SH3GL3: variants seen among roughly 807,000 people sequenced by gnomAD.
SH3GL3 encodes the protein SH3 domain containing GRB2 like 3, endophilin A3, also known as endophilin-A3.
A neutral mutation model predicts 47.7 loss-of-function variants in SH3GL3; 33 were observed. The ratio of observed to expected loss-of-function variants is 0.69; its 90% CI spans 0.52 to 0.92. SH3GL3 has a LOEUF of 0.92. Ranked by LOEUF, SH3GL3 falls within the 40% of genes least tolerant of loss-of-function variation. The probability of loss-of-function intolerance (pLI) is 0.00; values close to 1 mark genes in which losing one functional copy is unlikely to be tolerated. For synonymous variants in SH3GL3, 155 were observed against 148.8 expected, an observed-to-expected ratio of 1.04 and a Z score of -0.30; for missense variants, 363 against 417.8, an observed-to-expected ratio of 0.87 and a Z score of 1.14.
At chr15:83,511,762 G>T (rs2042763879) in intron 1 of SH3GL3, among the ~76,000 whole-genome samples, 1 of 151,996 alleles carries the variant, frequency 6.6e-6, no homozygotes, top group Non-Finnish European at 1.5e-5. Context: ...GCACCTGCTG[G>T]TTCCCTCACC....
chr15:83,509,292 C>T lies in SH3GL3; in HGVS notation c.46-49961C>T, dbSNP rs186024036. On this transcript the variant is annotated intron_variant, in intron 1 of 8. Transcript: ENST00000427482. The stretch of plus-strand genomic sequence containing the variant: ...CGGAGTGAGGGCAGAATCTGGGGAG[C>T]GCGTTCTTGGATGTCCCACCAACTT... 5.9e-4 allele frequency among the ~76,000 whole-genome samples: 90 copies of T among 152,300 alleles called. No homozygotes were observed. In the East Asian group the frequency reaches 0.017, roughly 28 times the overall value.
intron 1 of SH3GL3, among the ~76,000 whole-genome samples, chr15:83,555,188 A>G (rs935819866): frequency 6.6e-6 from 1 of 152,112 alleles, no homozygotes; most frequent in African/African-American, 2.4e-5. Context: ...ATGACTATAT[A>G]ATACTTTTTG....
At chr15:83,622,658 G>A (rs892239370), downstream of SH3GL3, among the ~76,000 whole-genome samples, 3 of 152,372 alleles carry the variant, frequency 2.0e-5, no homozygotes, top group South Asian at 6.2e-4. Context: ...TGTATGTACA[G>A]TGTTTCTTCC....
intron 1 of SH3GL3, among the ~76,000 whole-genome samples, chr15:83,457,004 A>G (rs2040022611): frequency 6.6e-6 from 1 of 152,248 alleles, no homozygotes; most frequent in African/African-American, 2.4e-5. Context: ...TACCTCACCA[A>G]TAAAAATATA....
At chr15:83,541,843 C>A (rs1286883779) in intron 1 of SH3GL3, among the ~76,000 whole-genome samples, 1 of 151,914 alleles carries the variant, frequency 6.6e-6, no homozygotes, top group Non-Finnish European at 1.5e-5. Context: ...GTTATTTGAC[C>A]TCCTTTTATT....
chr15:83,554,339 C>T (rs2044831598), intron 1 of SH3GL3, among the ~76,000 whole-genome samples: 1 of 152,122 alleles, frequency 6.6e-6, no homozygotes, highest in South Asian at 2.1e-4. Context: ...AGGCATGCGC[C>T]ACCACACCCA....
At chr15:83,523,722 T>C (rs901218717) in intron 1 of SH3GL3, among the ~76,000 whole-genome samples, 43 of 152,306 alleles carry the variant, frequency 2.8e-4, no homozygotes, top group African/African-American at 1.0e-3. Context: ...TTTCTGTCTC[T>C]GTCTTCCTTT....
At chr15:83,478,032 A>G (rs1304937335) in intron 1 of SH3GL3, among the ~76,000 whole-genome samples, 1 of 151,992 alleles carries the variant, frequency 6.6e-6, no homozygotes, top group Non-Finnish European at 1.5e-5. Context: ...CAGCAGTGAG[A>G]GTATGTGGAT....
chr15:83,540,722 G>A (rs11634330), intron 1 of SH3GL3, among the ~76,000 whole-genome samples: 21,752 of 152,106 alleles, frequency 0.14, 2,010 homozygotes, highest in Non-Finnish European at 0.2. Flanking sequence ...TTATTACAAT[G>A]TGTAATGATT....
intron 1 of SH3GL3, among the ~76,000 whole-genome samples, chr15:83,463,504 G>C (rs377375680): frequency 2.6e-5 from 4 of 151,902 alleles, no homozygotes; most frequent in African/African-American, 9.7e-5. Flanking sequence ...TTATAGTCTG[G>C]GCAGATTATA....
At chr15:83,529,526 C>T (rs1040469535) in intron 1 of SH3GL3, among the ~76,000 whole-genome samples, 3 of 152,148 alleles carry the variant, frequency 2.0e-5, no homozygotes, top group Non-Finnish European at 2.9e-5. Context: ...TAGAGTGATC[C>T]GCAGGCCCCT....
At chr15:83,601,049 A>G (rs144388946) in intron 8 of SH3GL3, among the ~76,000 whole-genome samples, 6 of 152,334 alleles carry the variant, frequency 3.9e-5, no homozygotes, top group Non-Finnish European at 4.4e-5. Flanking sequence ...GTATCCTGAA[A>G]CTTTGCTGAA....
chr15:83,511,564 G>A (rs936934975), intron 1 of SH3GL3, among the ~76,000 whole-genome samples: 5 of 152,094 alleles, frequency 3.3e-5, no homozygotes, highest in African/African-American at 9.7e-5. Flanking sequence ...AATGAAAAAA[G>A]TTGAAAACAC....
At chr15:83,458,366 G>A (rs537761888) in intron 1 of SH3GL3, among the ~76,000 whole-genome samples, 16 of 152,274 alleles carry the variant, frequency 1.1e-4, no homozygotes, top group Non-Finnish European at 1.9e-4. Context: ...CACAGCACCA[G>A]CAGCCAGTGG....
intron 8 of SH3GL3, among the ~76,000 whole-genome samples, chr15:83,616,839 G>A (rs938668594): frequency 6.6e-6 from 1 of 151,822 alleles, no homozygotes; most frequent in African/African-American, 2.4e-5. Context: ...GAAAAGAAGA[G>A]ATGAAAAGAA....
At chr15:83,625,242 A>T in the SH3GL3 span, among the ~76,000 whole-genome samples, 1 of 152,236 alleles carries the variant, frequency 6.6e-6, no homozygotes, top group African/African-American at 2.4e-5. Context: ...ACTGTAAGTC[A>T]GGTTGTAATG....
chr15:83,499,185 C>T (rs2042198526), intron 1 of SH3GL3, among the ~76,000 whole-genome samples: 1 of 151,806 alleles, frequency 6.6e-6, no homozygotes, highest in Non-Finnish European at 1.5e-5. Context: ...TCTTTCTTAC[C>T]CCTAGGTTTT....
At chr15:83,511,012 G>A (rs1030746540) in intron 1 of SH3GL3, among the ~76,000 whole-genome samples, 2 of 151,838 alleles carry the variant, frequency 1.3e-5, no homozygotes, top group Non-Finnish European at 2.9e-5. Flanking sequence ...AGAGGGGGGC[G>A]GGATAGCATT....
rs746667690 is a variant in SH3GL3 at position 83,588,766 on chromosome 15, C to T, written c.833C>T (p.Thr278Met). ...GTTTCCACCACCTCTGTAGTGAAGA[C>T]GACAGGTAAGTTGACCATTCTAATA... is the stretch of plus-strand genomic sequence containing the variant. ...NGVSTTSVVK[T>M]TGSNIPMDQP... The change falls in exon 8 of 9, where the codon ACG becomes ATG. Residue 278 changes from threonine (T) to methionine (M), a missense_variant. Physicochemically the swap from Thr to Met is moderately conservative, Grantham distance 81. Transcript: ENST00000427482. The T allele has an allele frequency of 1.8e-5, 28 of 1,558,696 alleles. No individual in the cohort carries two copies. In the East Asian group the frequency reaches 3.8e-4, roughly 21 times the overall value.
Sources: gnomAD v4.1 joint callset for allele counts (sites outside exome capture counted in the v4.1 genomes callset) on GRCh38, gnomAD v4.1.1 for gene constraint, MANE v1.5 for transcripts, NCBI Gene and HGNC (gene_info 2026-07-23, HGNC 2026-07-21) for gene names.